UQCC1: variants seen among roughly 807,000 people sequenced by gnomAD.
The protein encoded by UQCC1 is ubiquinol-cytochrome c reductase complex assembly factor 1.
UQCC1 carries 38 observed loss-of-function variants against 48.0 expected under a neutral mutation model. The observed-to-expected ratio is 0.79, with a 90% CI of 0.61 to 1.04. UQCC1 has a LOEUF of 1.04. Ranked by LOEUF, UQCC1 falls within the 50% of genes least tolerant of loss-of-function variation. The pLI is 0.00. For synonymous variants in UQCC1, 111 were observed against 129.2 expected, an observed-to-expected ratio of 0.86 and a Z score of 0.95; for missense variants, 368 against 381.8, an observed-to-expected ratio of 0.96 and a Z score of 0.30.
At chr20:35,374,775 T>A (rs2061777032) in intron 4 of UQCC1, among the ~76,000 whole-genome samples, 1 of 152,094 alleles carries the variant, frequency 6.6e-6, no homozygotes, top group African/African-American at 2.4e-5. Flanking sequence ...TGATTAACAC[T>A]GTGTCTGTAA....
At chr20:35,383,770 G>A (rs1054674884) in intron 3 of UQCC1, among the ~76,000 whole-genome samples, 26 of 152,182 alleles carry the variant, frequency 1.7e-4, no homozygotes, top group Admixed American at 1.0e-3. Context: ...AGGATAGCTC[G>A]AGCTTGGGAG....
At chr20:35,364,144 T>G (rs1390855802) in intron 6 of UQCC1, among the ~76,000 whole-genome samples, 1 of 152,206 alleles carries the variant, frequency 6.6e-6, no homozygotes, top group Non-Finnish European at 1.5e-5. Context: ...ATTCTATCTT[T>G]TGCTCCTATT....
intron 1 of UQCC1, chr20:35,409,998 G>A (rs2062323403): frequency 6.6e-6 from 1 of 151,772 alleles, no homozygotes; most frequent in African/African-American, 2.4e-5. Flanking sequence ...TAGAGACAGG[G>A]TTTCACCACG....
chr20:35,321,275 T>C (rs369437045), intron 7 of UQCC1, among the ~76,000 whole-genome samples: 15 of 145,698 alleles, frequency 1.0e-4, no homozygotes, highest in African/African-American at 4.0e-4. Context: ...TGTGTGTGTG[T>C]GTGTGTGTGC....
chr20:35,394,314 T>C, intron 1 of UQCC1, 118 bp from the exon 2 acceptor site: 1 of 894,130 alleles, frequency 1.1e-6, no homozygotes, highest in African/African-American at 1.7e-5. Context: ...CCTTCATCTC[T>C]AGTTCCTGGC....
At chr20:35,363,991 T>C (rs894007713) in intron 6 of UQCC1, among the ~76,000 whole-genome samples, 2 of 152,110 alleles carry the variant, frequency 1.3e-5, no homozygotes, top group East Asian at 1.9e-4. Flanking sequence ...AAGAAAGACT[T>C]CTCCGATTCT....
intron 7 of UQCC1, among the ~76,000 whole-genome samples, chr20:35,338,782 T>C (rs568440651): frequency 4.5e-5 from 6 of 132,930 alleles, no homozygotes; most frequent in African/African-American, 1.2e-4. Flanking sequence ...GAGGTGGAGG[T>C]TGCAGTGAGC....
chr20:35,397,329 C>T (rs138469816), intron 1 of UQCC1, among the ~76,000 whole-genome samples: 2,354 of 151,488 alleles, frequency 0.016, 56 homozygotes, highest in African/African-American at 0.053. Context: ...TCGTGGCTAA[C>T]ACAGTGAAAC....
intron 2 of UQCC1, among the ~76,000 whole-genome samples, chr20:35,385,129 A>G (rs1378195971): frequency 6.6e-6 from 1 of 152,192 alleles, no homozygotes; most frequent in Non-Finnish European, 1.5e-5. Flanking sequence ...TTTTAGGTTT[A>G]AAACCTGCTT....
intron 5 of UQCC1, among the ~76,000 whole-genome samples, chr20:35,368,774 A>G (rs531848441): frequency 6.6e-6 from 1 of 152,270 alleles, no homozygotes; most frequent in South Asian, 2.1e-4. Context: ...TACTTTGGTG[A>G]GCTTACTGGG....
intron 1 of UQCC1, among the ~76,000 whole-genome samples, chr20:35,398,419 C>T (rs1463931914): frequency 1.3e-5 from 2 of 152,152 alleles, no homozygotes; most frequent in African/African-American, 4.8e-5. Flanking sequence ...GAATCTGAAT[C>T]TCCATTTCCT....
rs375813534 is a variant in UQCC1 at position 35,322,866 on chromosome 20, G to A, written c.574-8101C>T. Among the ~76,000 whole-genome samples, 422 of 151,332 alleles carry A rather than the reference G, an allele frequency of 2.8e-3. 1 individual carries two copies. Among genetic ancestry groups the A allele is most frequent in the Middle Eastern group, 0.027 (8 of 292 alleles). ...AAATCTACTGTCTTTTCTTTTTTTTGAGACGGAGTCTTGCTCTGTCACCCA... is the reference window on the plus strand; with the variant it reads ...AAATCTACTGTCTTTTCTTTTTTTTAAGACGGAGTCTTGCTCTGTCACCCA... On this transcript the variant is annotated intron_variant, in intron 7 of 9. Coordinates refer to ENST00000374385, the MANE Select transcript of UQCC1 (RefSeq NM_018244.5).
intron 1 of UQCC1, among the ~76,000 whole-genome samples, chr20:35,407,177 C>T (rs2062264000): frequency 6.6e-6 from 1 of 152,154 alleles, no homozygotes; most frequent in African/African-American, 2.4e-5. Context: ...CCTGTAACCC[C>T]AGCACTCTGG....
chr20:35,384,267 G>T, intron 2 of UQCC1, 134 bp from the exon 3 acceptor site: 1 of 672,448 alleles, frequency 1.5e-6, no homozygotes, highest in Non-Finnish European at 2.5e-6. Context: ...AGCTCACCAG[G>T]AAGACCCAAG....
At chr20:35,396,464 G>A (rs2062080684) in intron 1 of UQCC1, among the ~76,000 whole-genome samples, 1 of 151,866 alleles carries the variant, frequency 6.6e-6, no homozygotes. Context: ...TTGCATAGCT[G>A]TGCCTGGCTT....
intron 7 of UQCC1, among the ~76,000 whole-genome samples, chr20:35,321,605 C>T (rs1287885768): frequency 6.6e-6 from 1 of 152,136 alleles, no homozygotes; most frequent in Non-Finnish European, 1.5e-5. Context: ...GTATAATCCC[C>T]ATGCTTTGTG....
Position 35,324,616 on chromosome 20 carries a change from G to A in UQCC1, c.574-9851C>T, listed in dbSNP as rs191699413. ...GCTGGGATTACAGGCGTGAGCCACC[G>A]CACCTGGCCGAGCAAGATAATTCCA... On this transcript the variant is annotated intron_variant, in intron 7 of 9. Transcript: ENST00000374385. Among the ~76,000 whole-genome samples, 98 of 152,308 alleles carry A rather than the reference G, an allele frequency of 6.4e-4. 1 individual carries two copies. The highest frequency in any genetic ancestry group is 4.4e-3 in the East Asian group (23 of 5,192).
chr20:35,386,324 T>G (rs1284014804), intron 2 of UQCC1: 2 of 456,288 alleles, frequency 4.4e-6, no homozygotes, highest in African/African-American at 4.0e-5. Context: ...GGCTGACTCT[T>G]CAATTCTGGT....
At chr20:35,306,400 C>G in intron 9 of UQCC1, 1 of 434,426 alleles carries the variant, frequency 2.3e-6, no homozygotes, top group East Asian at 4.6e-5. Flanking sequence ...CAATGAGGTG[C>G]ACAGTGAATG....
Sources: gnomAD v4.1 joint callset for allele counts (sites outside exome capture counted in the v4.1 genomes callset) on GRCh38, gnomAD v4.1.1 for gene constraint, MANE v1.5 for transcripts, NCBI Gene and HGNC (gene_info 2026-07-23, HGNC 2026-07-21) for gene names.